PDGFA: variants seen among roughly 807,000 people sequenced by gnomAD.
PDGFA encodes the protein platelet derived growth factor subunit A.
A neutral mutation model predicts 25.6 loss-of-function variants in PDGFA; 9 were observed. The observed-to-expected ratio is 0.35, with a 90% CI of 0.21 to 0.61. The LOEUF (loss-of-function observed/expected upper bound fraction) is 0.61. PDGFA is among the 20% of genes least tolerant of loss of function. PDGFA has a pLI of 0.75. For synonymous variants in PDGFA, 133 were observed against 111.8 expected, an observed-to-expected ratio of 1.19 and a Z score of -1.20; for missense variants, 242 against 272.8, an observed-to-expected ratio of 0.89 and a Z score of 0.79.
In PDGFA at chr7:517,666, T is replaced by G. The variant is rs1583161572; in HGVS notation, c.64-176A>C. Reference sequence around the variant, plus strand: ...CGGCCCTGGAACCAGAAGCCGGGGGTGGGGCTGGAAGAGACCCCAAATTCT... The same window carrying G: ...CGGCCCTGGAACCAGAAGCCGGGGGGGGGGCTGGAAGAGACCCCAAATTCT... On this transcript the variant is annotated intron_variant, in intron 1 of 5. Coordinates refer to ENST00000402802, the Ensembl canonical transcript of PDGFA. This position sits in a 1 kb window ranked among gnomAD's most constrained non-coding sequence, Gnocchi z 7.4. Among the ~76,000 whole-genome samples, 2 of 149,150 alleles carry G rather than the reference T, an allele frequency of 1.3e-5. No homozygotes were observed. Among genetic ancestry groups the G allele is most frequent in the South Asian group, 4.2e-4 (2 of 4,714 alleles).
In PDGFA at chr7:519,188, G is replaced by T. The variant is rs967432580; in HGVS notation, c.-187C>A. On this transcript the variant is annotated 5_prime_UTR_variant, in exon 1 of 6. It adds an upstream start codon to the 5' untranslated region. Coordinates refer to ENST00000402802, the Ensembl canonical transcript of PDGFA. ...AGCAGTGAGTGCGGAGAGGCAGGCA[G>T]CGCCAGCCAGGAGGAGGAGAAACAG... 4.6e-6 allele frequency: 2 copies of T among 430,392 alleles called. No individual in the cohort carries two copies. The highest frequency in any genetic ancestry group is 4.2e-5 in the African/African-American group (2 of 47,880). The allele number at this position is 430,392 out of a possible 1,614,324, so 26.7% of individuals were successfully genotyped here.
intron 2 of PDGFA, chr7:513,097 G>A (rs1033831240): frequency 2.5e-5 from 4 of 159,960 alleles, no homozygotes; most frequent in African/African-American, 9.6e-5. Flanking sequence ...GGAGAGGCAG[G>A]AGGGCACGTG....
exon 3 of PDGFA, chr7:512,366 T>C: frequency 6.2e-7 from 1 of 1,613,076 alleles, no homozygotes; most frequent in Non-Finnish European, 8.5e-7. Context: ...CTTCTCTTCC[T>C]CCGAATGGGC....
chr7:501,860 G>T (rs62433303), intron 4 of PDGFA, among the ~76,000 whole-genome samples: 1 of 152,186 alleles, frequency 6.6e-6, no homozygotes, highest in African/African-American at 2.4e-5. Context: ...GGTGGCCAGG[G>T]AAAGTGTTTG....
exon 6 of PDGFA, chr7:498,482 C>A: frequency 7.4e-7 from 1 of 1,357,068 alleles, no homozygotes. Flanking sequence ...CGCACACTGG[C>A]AATAAAGCAC....
At chr7:501,378 T>A in intron 4 of PDGFA, 136 bp from the exon 5 acceptor site, 1 of 1,059,442 alleles carries the variant, frequency 9.4e-7, no homozygotes, top group Non-Finnish European at 1.4e-6. Context: ...AACACTACCT[T>A]GTGGTGGGGA....
At chr7:510,942 C>T (rs1782802996) in exon 4 of PDGFA, 2 of 1,612,728 alleles carry the variant, frequency 1.2e-6, no homozygotes, top group Non-Finnish European at 1.7e-6. Context: ...GACCTGACTC[C>T]GAGGAATCTC....
chr7:500,915 C>T lies in PDGFA; in HGVS notation c.580+201G>A. On this transcript the variant is annotated intron_variant, in intron 5 of 5. Coordinates refer to ENST00000402802, the Ensembl canonical transcript of PDGFA. The surrounding 1 kb of genome is among the most constrained non-coding windows in gnomAD (Gnocchi z 5.0). ...CTGCCAGTGCCGCAGCTTGGGCCAC[C>T]CTCCCCACCGGACACCTGCAGGTGT... The T allele has an allele frequency of 1.3e-6, 2 of 1,587,168 alleles. No individual in the cohort carries two copies. The highest frequency in any genetic ancestry group is 1.7e-6 in the Non-Finnish European group (2 of 1,174,004).
At chr7:519,838 C>G (rs1783290963), upstream of PDGFA, 1 of 146,722 alleles carries the variant, frequency 6.8e-6, no homozygotes, top group African/African-American at 2.5e-5. Flanking sequence ...CTCCGCAGGG[C>G]GCGCGTGTGG....
chr7:505,318 ACCAGACATTC>A (rs1000379428), intron 4 of PDGFA, among the ~76,000 whole-genome samples: 6 of 151,988 alleles, frequency 3.9e-5, no homozygotes, highest in Admixed American at 1.3e-4. Context: ...ACCTTATCAC[ACCAGACATTC>A]CGATTCCCCA....
At chr7:497,918 C>T (rs1583132941) in exon 6 of PDGFA, 1 of 22,786 alleles carries the variant, frequency 4.4e-5, no homozygotes, top group Admixed American at 5.8e-4. Flanking sequence ...AAAAGGAAAG[C>T]TTAATAATCA....
chr7:501,336 G>C, intron 4 of PDGFA, 94 bp from the exon 5 acceptor site: 3 of 1,505,800 alleles, frequency 2.0e-6, no homozygotes, highest in Non-Finnish European at 2.7e-6. Context: ...AGAGGGAGGA[G>C]AGAGCAGCCT....
At chr7:510,705 TGGGGAGGGGA>T (rs1190047173) in intron 4 of PDGFA, 94 bp downstream of exon 4, 49 of 328,832 alleles carry the variant, frequency 1.5e-4, no homozygotes, top group Admixed American at 1.8e-4. Flanking sequence ...CGGGCTTGGG[TGGGGAGGGGA>T]GGGGAGGGGA....
At chr7:518,407 T>A (rs2128408496) in intron 1 of PDGFA, 1 of 152,968 alleles carries the variant, frequency 6.5e-6, no homozygotes, top group South Asian at 2.1e-4. Flanking sequence ...CCAGCTCGCC[T>A]CGCTCAGCCA....
chr7:504,484 G>A (rs1021491966), intron 4 of PDGFA, among the ~76,000 whole-genome samples: 1 of 152,116 alleles, frequency 6.6e-6, no homozygotes, highest in African/African-American at 2.4e-5. Context: ...CCTCAGCAGG[G>A]ACCGAGTTCC....
At chr7:506,490 C>T (rs548751178) in intron 4 of PDGFA, among the ~76,000 whole-genome samples, 1 of 152,016 alleles carries the variant, frequency 6.6e-6, no homozygotes, top group African/African-American at 2.4e-5. Flanking sequence ...CCGTAACACC[C>T]CAGCCACTCT....
chr7:507,534 C>T (rs969314496), intron 4 of PDGFA, among the ~76,000 whole-genome samples: 3 of 152,230 alleles, frequency 2.0e-5, no homozygotes, highest in African/African-American at 7.2e-5. Context: ...CCAAGCCCTC[C>T]TATCCTCACC....
At chr7:511,862 G>A (rs1251560043) in intron 3 of PDGFA, among the ~76,000 whole-genome samples, 1 of 152,188 alleles carries the variant, frequency 6.6e-6, no homozygotes, top group Non-Finnish European at 1.5e-5. Flanking sequence ...CTGGAGCCAG[G>A]TGTGAGTGGG....
chr7:511,010 G>T lies in PDGFA; in HGVS notation c.266-14C>A, dbSNP rs1480701727. The stretch of plus-strand genomic sequence containing the variant: ...GGACAGCTTCCTCTGCAACGGCGGG[G>T]GCACAGTGAGCGGGGACCGGCCTCT... On this transcript the variant is annotated splice_polypyrimidine_tract_variant and intron_variant, in intron 3 of 5. Coordinates refer to ENST00000402802, the Ensembl canonical transcript of PDGFA. 1 of 1,607,926 alleles carries T rather than the reference G, an allele frequency of 6.2e-7. No homozygotes were observed. Among genetic ancestry groups the T allele is most frequent in the Non-Finnish European group, 8.5e-7 (1 of 1,176,356 alleles).
Sources: allele counts gnomAD v4.1 joint callset (sites outside exome capture counted in the v4.1 genomes callset), GRCh38; gene constraint gnomAD v4.1.1; non-coding constraint Gnocchi (gnomAD v3.1); transcripts MANE v1.5; gene names NCBI Gene and HGNC (gene_info 2026-07-23, HGNC 2026-07-21).